The following VPS13B variants were observed in gnomAD, a reference collection of about 807,000 sequenced individuals.
VPS13B encodes the protein vacuolar protein sorting 13 homolog B, also known as intermembrane lipid transfer protein VPS13B.
In VPS13B, 285 loss-of-function variants were observed where a neutral mutation model predicts 426.4. The observed-to-expected ratio is 0.67, with a 90% CI of 0.61 to 0.74. VPS13B has a LOEUF of 0.74. VPS13B is among the 30% of genes least tolerant of loss of function. VPS13B has a pLI of 0.00. For synonymous variants in VPS13B, 1,676 were observed against 1,676.4 expected, an observed-to-expected ratio of 1.00 and a Z score of 0.01; for missense variants, 4,537 against 4,782.6, an observed-to-expected ratio of 0.95 and a Z score of 1.51.
At chr8:99,092,219 G>A (rs1846189267) in intron 3 of VPS13B, 1 of 152,126 alleles carries the variant, frequency 6.6e-6, no homozygotes, top group African/African-American at 2.4e-5. Flanking sequence ...ACTTTTGTAA[G>A]GAAATGACAT....
At chr8:99,744,838 G>A (rs1483039772) in intron 39 of VPS13B, among the ~76,000 whole-genome samples, 2 of 151,884 alleles carry the variant, frequency 1.3e-5, no homozygotes, top group East Asian at 3.9e-4. Context: ...GGGGAAGGGG[G>A]AGGGATAGCA....
At chr8:99,790,238 C>A (rs1812473516) in intron 43 of VPS13B, among the ~76,000 whole-genome samples, 1 of 152,134 alleles carries the variant, frequency 6.6e-6, no homozygotes, top group Admixed American at 6.6e-5. Flanking sequence ...TTGATTGTTA[C>A]ACTTTCCTGT....
At chr8:99,574,191 A>G (rs574080421) in intron 31 of VPS13B, among the ~76,000 whole-genome samples, 14 of 152,268 alleles carry the variant, frequency 9.2e-5, no homozygotes, top group Admixed American at 7.9e-4. Context: ...CAGCTTAAGG[A>G]AATTTTGGGC....
intron 15 of VPS13B, among the ~76,000 whole-genome samples, chr8:99,158,329 T>C (rs1290962938): frequency 1.3e-5 from 2 of 151,856 alleles, no homozygotes; most frequent in Non-Finnish European, 2.9e-5. Context: ...GGTCAGGAGA[T>C]CGACCAGCCT....
chr8:99,209,869 A>G, intron 17 of VPS13B: 1 of 464,808 alleles, frequency 2.2e-6, no homozygotes, highest in Non-Finnish European at 2.8e-6. Context: ...CTTAAAGTTT[A>G]TAATGTATAC....
intron 36 of VPS13B, among the ~76,000 whole-genome samples, chr8:99,714,967 A>G (rs180684775): frequency 1.2e-4 from 18 of 152,136 alleles, no homozygotes; most frequent in African/African-American, 2.4e-4. Context: ...TATTATATCA[A>G]TGTGGATTTC....
intron 3 of VPS13B, among the ~76,000 whole-genome samples, chr8:99,056,844 A>G (rs1333371687): frequency 1.3e-5 from 2 of 151,444 alleles, no homozygotes; most frequent in African/African-American, 4.9e-5. Context: ...GAGTCTTACA[A>G]TCCATCTACA....
chr8:99,236,250 A>AT (rs574131625), intron 17 of VPS13B, among the ~76,000 whole-genome samples: 1,458 of 143,708 alleles, frequency 0.01, 6 homozygotes, highest in Non-Finnish European at 0.012. Context: ...GTTGATGTCA[A>AT]TTTTTTTTTT....
rs752372020 is a variant in VPS13B, at chr8:99,778,945, T to C, written c.7693T>C (p.Cys2565Arg). 1 of 1,613,976 alleles carries C rather than the reference T, an allele frequency of 6.2e-7. No individual in the cohort carries two copies. Among genetic ancestry groups the C allele is most frequent in the East Asian group, 2.2e-5 (1 of 44,860 alleles). ...CGATGTAGTGGAAAAGCTGCTTGAC[T>C]GCACCGTGATAGTTGATTCTGTATT... ...SSDVVEKLLD[C>R]TVIVDSVFVN... The change falls in exon 42 of 62, where the codon TGC (cysteine) becomes CGC (arginine). Residue 2565 changes from cysteine to arginine, a missense_variant. By Grantham distance (180) the Cys-to-Arg change is radical. This residue lies in a region of VPS13B where 4,311 missense variants were observed against 4,474.3 expected (regional missense o/e 0.96). Transcript: ENST00000357162.
intron 50 of VPS13B, among the ~76,000 whole-genome samples, 159 bp downstream of exon 50, chr8:99,821,641 T>A (rs550091374): frequency 5.3e-5 from 8 of 152,350 alleles, no homozygotes; most frequent in African/African-American, 1.9e-4. Flanking sequence ...AGACCTCTGT[T>A]TTACAGTGCT....
chr8:99,364,467 C>T (rs917735892), intron 19 of VPS13B, among the ~76,000 whole-genome samples: 1 of 152,170 alleles, frequency 6.6e-6, no homozygotes, highest in East Asian at 1.9e-4. Context: ...AGGTCTCACT[C>T]TGTCACCCAG....
At chr8:99,265,922 C>T (rs1488521611) in intron 17 of VPS13B, among the ~76,000 whole-genome samples, 1 of 152,094 alleles carries the variant, frequency 6.6e-6, no homozygotes, top group African/African-American at 2.4e-5. Context: ...CTATTTGGCT[C>T]TTGTCTTTTT....
At chr8:99,190,916 T>C (rs994694705) in intron 16 of VPS13B, among the ~76,000 whole-genome samples, 1 of 152,118 alleles carries the variant, frequency 6.6e-6, no homozygotes, top group Non-Finnish European at 1.5e-5. Context: ...AATATTTCCA[T>C]CTGGTATCAC....
At chr8:99,047,385 C>G (rs747118676) in intron 3 of VPS13B, among the ~76,000 whole-genome samples, 1 of 152,072 alleles carries the variant, frequency 6.6e-6, no homozygotes, top group African/African-American at 2.4e-5. Flanking sequence ...TTTCCCGTTT[C>G]GTTTCTAATT....
At chr8:99,421,165 A>G (rs1045026389) in intron 21 of VPS13B, among the ~76,000 whole-genome samples, 1 of 152,114 alleles carries the variant, frequency 6.6e-6, no homozygotes, top group Non-Finnish European at 1.5e-5. Flanking sequence ...TACTTTTTCC[A>G]TGGGACAGAA....
intron 39 of VPS13B, among the ~76,000 whole-genome samples, chr8:99,729,807 A>G (rs1833514690): frequency 6.6e-6 from 1 of 152,182 alleles, no homozygotes; most frequent in South Asian, 2.1e-4. Context: ...TGTCTTTTTC[A>G]TAATTACATG....
intron 33 of VPS13B, among the ~76,000 whole-genome samples, chr8:99,635,282 A>G (rs1223843535): frequency 6.6e-6 from 1 of 152,012 alleles, no homozygotes; most frequent in Non-Finnish European, 1.5e-5. Context: ...GATCACAGTT[A>G]TATATAGATG....
intron 43 of VPS13B, among the ~76,000 whole-genome samples, chr8:99,806,670 C>G (rs931078641): frequency 6.6e-6 from 1 of 152,182 alleles, no homozygotes; most frequent in Non-Finnish European, 1.5e-5. Flanking sequence ...ATCAGGTGAT[C>G]TAACACAAAT....
intron 5 of VPS13B, among the ~76,000 whole-genome samples, chr8:99,106,993 T>G (rs1218142234): frequency 1.3e-5 from 2 of 152,222 alleles, no homozygotes; most frequent in African/African-American, 2.4e-5. Flanking sequence ...AACATTTTCA[T>G]ACATGTCCTT....
Sources: allele counts gnomAD v4.1 joint callset (sites outside exome capture counted in the v4.1 genomes callset), GRCh38; gene constraint gnomAD v4.1.1; regional missense constraint gnomAD v4.1.1; transcripts MANE v1.5; gene names NCBI Gene and HGNC (gene_info 2026-07-23, HGNC 2026-07-21).